The following PCDHGC3 variants were observed in gnomAD, a reference collection of about 807,000 sequenced individuals.
PCDHGC3 encodes protocadherin gamma subfamily C, 3, also known as protocadherin gamma-C3.
PCDHGC3 carries 26 observed loss-of-function variants against 59.2 expected under a neutral mutation model. That is an observed-to-expected ratio of 0.44 (90% CI 0.32 to 0.61). PCDHGC3 has a LOEUF of 0.61. Among genes scored for constraint, PCDHGC3 ranks in the 20% least tolerant of loss-of-function variants. The probability of loss-of-function intolerance (pLI) is 0.05; values close to 1 mark genes in which losing one functional copy is unlikely to be tolerated. For missense variants in PCDHGC3, 1,080 were observed against 1,221.8 expected (o/e 0.88, Z 1.73); for synonymous variants, 487 against 519.7 (o/e 0.94, Z 0.86).
Position 141,485,243 on chromosome 5 carries a change from C to A in PCDHGC3, c.2430+6697C>A. ...TACCCTTTTGTTCCTCTTTTACCACCTGGGTTACGTTTGTGGGCAGATCCG... is the reference window on the plus strand; with the variant it reads ...TACCCTTTTGTTCCTCTTTTACCACATGGGTTACGTTTGTGGGCAGATCCG... On this transcript the variant is annotated intron_variant, in intron 1 of 3. Transcript: ENST00000308177. This position sits in a 1 kb window ranked among gnomAD's most constrained non-coding sequence, Gnocchi z 5.7. 1 of 1,614,180 alleles carries A rather than the reference C, an allele frequency of 6.2e-7. No homozygotes were observed. The highest frequency in any genetic ancestry group is 8.5e-7 in the Non-Finnish European group (1 of 1,180,000).
In PCDHGC3 at chr5:141,485,632, G is replaced by A. The variant is rs1335265010; in HGVS notation, c.2430+7086G>A. On this transcript the variant is annotated intron_variant, in intron 1 of 3. Transcript: ENST00000308177. This position sits in a 1 kb window ranked among gnomAD's most constrained non-coding sequence, Gnocchi z 5.7. ...CAGCTCCTCCAGGACAGCGTTTCCCGTTGGAAAAGGCTCAGGATGCAGATG... is the reference window on the plus strand; with the variant it reads ...CAGCTCCTCCAGGACAGCGTTTCCCATTGGAAAAGGCTCAGGATGCAGATG... 1.2e-6 allele frequency: 2 copies of A among 1,611,766 alleles called. No homozygotes were observed. The highest frequency in any genetic ancestry group is 1.7e-6 in the Non-Finnish European group (2 of 1,178,342).
chr5:141,505,546 C>T (rs555460173), intron 3 of PCDHGC3, 65 bp downstream of exon 3: 36 of 1,608,242 alleles, frequency 2.2e-5, no homozygotes, highest in South Asian at 7.7e-5. Context: ...CATCTCACAG[C>T]CACCATGCCC....
chr5:141,486,760 G>C lies in PCDHGC3; in HGVS notation c.2431-8047G>C. ...GATCCTTTGACTATGAGCAAACCCAGACACTGCAGTTTGAGGTGCAGGCCC... is the reference window on the plus strand; with the variant it reads ...GATCCTTTGACTATGAGCAAACCCACACACTGCAGTTTGAGGTGCAGGCCC... On this transcript the variant is annotated intron_variant, in intron 1 of 3. Transcript: ENST00000308177. This position sits in a 1 kb window ranked among gnomAD's most constrained non-coding sequence, Gnocchi z 5.0. 1.2e-6 allele frequency: 2 copies of C among 1,614,240 alleles called. No homozygotes were observed. The highest frequency in any genetic ancestry group is 2.2e-5 in the South Asian group (2 of 91,086).
chr5:141,476,920 A>G lies in PCDHGC3; in HGVS notation c.804A>G (p.Ala268=). The G allele has an allele frequency of 6.2e-7, 1 of 1,614,094 alleles. No individual in the cohort carries two copies. The highest frequency in any genetic ancestry group is 1.1e-5 in the South Asian group (1 of 91,088). The change falls in exon 1 of 4, where the codon GCA becomes GCG. Residue 268 remains alanine, a synonymous_variant. Coordinates refer to ENST00000308177, the MANE Select transcript of PCDHGC3 (RefSeq NM_002588.4). This position sits in a 1 kb window ranked among gnomAD's most constrained non-coding sequence, Gnocchi z 7.6. ...GCACGCGCGTGGTACAAGTCCTTGC[A>G]ACGGATCTGGATGAAGGCCCCAACG... ...PSGTRVVQVL[A]TDLDEGPNGE...
At chr5:141,499,606 C>T (rs2099792968) in intron 2 of PCDHGC3, among the ~76,000 whole-genome samples, 1 of 152,028 alleles carries the variant, frequency 6.6e-6, no homozygotes, top group African/African-American at 2.4e-5. Context: ...TATCCCTACC[C>T]TTATCCTGTC....
At chr5:141,494,099 C>T (rs976610819) in intron 1 of PCDHGC3, among the ~76,000 whole-genome samples, 3 of 152,172 alleles carry the variant, frequency 2.0e-5, no homozygotes, top group South Asian at 2.1e-4. Context: ...CATTTTTCTC[C>T]GTCTCAGACA....
chr5:141,500,186 T>A (rs1008615587), intron 2 of PCDHGC3, among the ~76,000 whole-genome samples: 7 of 99,362 alleles, frequency 7.0e-5, no homozygotes, highest in African/African-American at 3.5e-4. Flanking sequence ...ATTTTTATTT[T>A]TATTTATTTA....
Position 141,490,958 on chromosome 5 carries a change from A to T in PCDHGC3, c.2431-3849A>T, listed in dbSNP as rs771797392. 4.6e-5 allele frequency: 74 copies of T among 1,613,610 alleles called. No individual in the cohort carries two copies. The highest frequency in any genetic ancestry group is 1.6e-4 in the Middle Eastern group (1 of 6,084). ...CTGCACCCACGGCCAGACTGGGAAC[A>T]CTCAGCCCCCCAGCGTCTCCCTCGC... On this transcript the variant is annotated intron_variant, in intron 1 of 3. Coordinates refer to ENST00000308177, the MANE Select transcript of PCDHGC3 (RefSeq NM_002588.4). This position sits in a 1 kb window ranked among gnomAD's most constrained non-coding sequence, Gnocchi z 5.4.
intron 2 of PCDHGC3, among the ~76,000 whole-genome samples, chr5:141,500,705 T>A (rs1169100560): frequency 6.6e-6 from 1 of 152,220 alleles, no homozygotes; most frequent in Non-Finnish European, 1.5e-5. Context: ...TTGCAGTGTA[T>A]CATGAGAATT....
In PCDHGC3 at chr5:141,485,115, G is replaced by A. The variant is rs1043877839; in HGVS notation, c.2430+6569G>A. 6.9e-6 allele frequency: 9 copies of A among 1,300,470 alleles called. No individual in the cohort carries two copies. Among genetic ancestry groups the A allele is most frequent in the Non-Finnish European group, 1.1e-6 (1 of 911,406 alleles). 80.6% of individuals were successfully genotyped at this position (1,300,470 alleles called of 1,614,324 possible). ...GTGTCTCCAGCTGCTGTGGCTGTTT[G>A]GGGCGGGTCGGCTTCATCCGCGTCT... On this transcript the variant is annotated intron_variant, in intron 1 of 3. Coordinates refer to ENST00000308177, the MANE Select transcript of PCDHGC3 (RefSeq NM_002588.4). The surrounding 1 kb of genome is among the most constrained non-coding windows in gnomAD (Gnocchi z 5.7).
chr5:141,487,813 TG>T lies in PCDHGC3; in HGVS notation c.2431-6989del. 7.2e-7 allele frequency: 1 copy of T among 1,384,138 alleles called. No homozygotes were observed. 85.7% of individuals were successfully genotyped at this position (1,384,138 alleles called of 1,614,324 possible). A position where few individuals can be genotyped will look rare whatever the true frequency, so the allele number is the denominator to read the frequency against. On this transcript the variant is annotated intron_variant, in intron 1 of 3. Transcript: ENST00000308177. This position sits in a 1 kb window ranked among gnomAD's most constrained non-coding sequence, Gnocchi z 5.0. Reference sequence around the variant, plus strand: ...AACCAGAGTTGTCACAGTTTAGCATTGGGGGCGGGTCATGCCTATATCTGAG... The same window carrying T: ...AACCAGAGTTGTCACAGTTTAGCATTGGGGCGGGTCATGCCTATATCTGAG...
Position 141,512,423 on chromosome 5 carries a change from T to C in PCDHGC3, c.*1250T>C, listed in dbSNP as rs2099884220. ...GATGGGGCTTCTTCAACAGGGCCCC[T>C]GCCCTCCTGAAGCCTCAGTCCTTCA... is the stretch of plus-strand genomic sequence containing the variant. On this transcript the variant is annotated 3_prime_UTR_variant, in exon 4 of 4. Transcript: ENST00000308177. 1 of 152,754 alleles carries C rather than the reference T, an allele frequency of 6.5e-6. No individual in the cohort carries two copies. The highest frequency in any genetic ancestry group is 6.5e-5 in the Admixed American group (1 of 15,274). The allele number at this position is 152,754 out of a possible 1,614,324, so 9.5% of individuals were successfully genotyped here.
intron 1 of PCDHGC3, among the ~76,000 whole-genome samples, chr5:141,482,633 G>T (rs1218163238): frequency 2.0e-5 from 3 of 151,784 alleles, no homozygotes; most frequent in Non-Finnish European, 2.9e-5. Flanking sequence ...AGGAAGAAAT[G>T]ATAGAGGTGG....
intron 2 of PCDHGC3, among the ~76,000 whole-genome samples, chr5:141,501,620 T>G (rs1393018933): frequency 6.6e-6 from 1 of 152,090 alleles, no homozygotes; most frequent in Non-Finnish European, 1.5e-5. Context: ...GACTCTGGTA[T>G]AGTCTCTCAA....
chr5:141,486,282 C>T lies in PCDHGC3; in HGVS notation c.2430+7736C>T. ...AGTGCAGAACCTGGCACTGTGGTGGCACTTATCAGTGTGCAGGATCCAGAC... is the reference window on the plus strand; with the variant it reads ...AGTGCAGAACCTGGCACTGTGGTGGTACTTATCAGTGTGCAGGATCCAGAC... On this transcript the variant is annotated intron_variant, in intron 1 of 3. Transcript: ENST00000308177. This position sits in a 1 kb window ranked among gnomAD's most constrained non-coding sequence, Gnocchi z 5.0. 6.2e-7 allele frequency: 1 copy of T among 1,614,052 alleles called. No homozygotes were observed. Among genetic ancestry groups the T allele is most frequent in the Non-Finnish European group, 8.5e-7 (1 of 1,179,992 alleles).
chr5:141,492,106 C>T (rs1265796740), intron 1 of PCDHGC3, among the ~76,000 whole-genome samples: 2 of 152,238 alleles, frequency 1.3e-5, no homozygotes, highest in South Asian at 2.1e-4. Flanking sequence ...TGTAGATTTC[C>T]TCTTCGATTT....
At position 141,487,946 on chromosome 5, in the gene PCDHGC3, C is replaced by G. The variant is rs187890859; in HGVS notation, c.2431-6861C>G. 7.9e-5 allele frequency among the ~76,000 whole-genome samples: 12 copies of G among 152,298 alleles called. No homozygotes were observed. The highest frequency in any genetic ancestry group is 7.8e-4 in the Admixed American group (12 of 15,304). Reference sequence around the variant, plus strand: ...AGTGCACAGGGTACAGTGCACCAGGCAGTCACTTGGACAAAGGTGGCTGTT... The same window carrying G: ...AGTGCACAGGGTACAGTGCACCAGGGAGTCACTTGGACAAAGGTGGCTGTT... On this transcript the variant is annotated intron_variant, in intron 1 of 3. Transcript: ENST00000308177. The surrounding 1 kb of genome is among the most constrained non-coding windows in gnomAD (Gnocchi z 5.0).
rs931860600 is a variant in PCDHGC3, at chr5:141,478,381, C to A, written c.2265C>A (p.His755Gln). 1 of 1,613,664 alleles carries A rather than the reference C, an allele frequency of 6.2e-7. No homozygotes were observed. The highest frequency in any genetic ancestry group is 1.7e-5 in the Admixed American group (1 of 60,030). ...TGCGGGGAGGCCTGATGTCGCCGCA[C>A]CTTTACCATCAGGTGTATCTCACCA... ...DAVRGGLMSP[H>Q]LYHQVYLTTD... Residue 755 changes from histidine to glutamine, a missense_variant, in exon 1 of 4, where the codon CAC becomes CAA. By Grantham distance (24) the His-to-Gln change is conservative. Transcript: ENST00000308177.
rs767497197 is a variant in PCDHGC3, at chr5:141,486,350, T to C, written c.2430+7804T>C. The C allele has an allele frequency of 6.2e-7, 1 of 1,614,128 alleles. No homozygotes were observed. Among genetic ancestry groups the C allele is most frequent in the South Asian group, 1.1e-5 (1 of 91,074 alleles). On this transcript the variant is annotated intron_variant, in intron 1 of 3. Transcript: ENST00000308177. The surrounding 1 kb of genome is among the most constrained non-coding windows in gnomAD (Gnocchi z 5.0). ...TGTGAGCCTCCGCATTCCTGACCAC[T>C]TGCCATTTGCCCTCAAGTCTGCCTT...
Sources: gnomAD v4.1 joint callset for allele counts (sites outside exome capture counted in the v4.1 genomes callset) on GRCh38, gnomAD v4.1.1 for gene constraint, Gnocchi (gnomAD v3.1) non-coding constraint, MANE v1.5 for transcripts, NCBI Gene and HGNC (gene_info 2026-07-23, HGNC 2026-07-21) for gene names.